Variants in CNTNAP5 observed in about 807,000 individuals in gnomAD.
The protein encoded by CNTNAP5 is contactin associated protein family member 5, also known as contactin-associated protein-like 5.
CNTNAP5 carries 72 observed loss-of-function variants against 150.2 expected under a neutral mutation model. The ratio of observed to expected loss-of-function variants is 0.48; its 90% CI spans 0.40 to 0.58. The LOEUF is 0.58. Among genes scored for constraint, CNTNAP5 ranks in the 20% least tolerant of loss-of-function variants. The pLI, the probability that CNTNAP5 is intolerant of heterozygous loss-of-function variation, is 0.00. For synonymous variants in CNTNAP5, 672 were observed against 619.8 expected, an observed-to-expected ratio of 1.08 and a Z score of -1.25; for missense variants, 1,636 against 1,626.2, an observed-to-expected ratio of 1.01 and a Z score of -0.10.
At chr2:124,671,496 A>C (rs1439521992) in intron 13 of CNTNAP5, among the ~76,000 whole-genome samples, 1 of 152,194 alleles carries the variant, frequency 6.6e-6, no homozygotes, top group African/African-American at 2.4e-5. Flanking sequence ...TAATAATGTA[A>C]TACTCATGGC....
chr2:124,650,967 C>T (rs766152959), intron 13 of CNTNAP5, among the ~76,000 whole-genome samples: 5 of 152,218 alleles, frequency 3.3e-5, no homozygotes, highest in African/African-American at 9.6e-5. Flanking sequence ...TGCAGGGCAG[C>T]GAGTATGCAT....
rs372306288 is a variant in CNTNAP5 at position 124,798,107 on chromosome 2, G to C, written c.3004G>C (p.Val1002Leu). The C allele has an allele frequency of 6.2e-7, 1 of 1,609,852 alleles. No homozygotes were observed. Among genetic ancestry groups the C allele is most frequent in the East Asian group, 2.2e-5 (1 of 44,756 alleles). The change falls in exon 19 of 24, where the codon GTT becomes CTT. Residue 1002 changes from valine (V) to leucine (L), a missense_variant. Val to Leu is a conservative substitution (Grantham distance 32). Transcript: ENST00000682447. ...CTTATATTTTGCAGAGGTTTCTGCT[G>C]TTTTTGAGGCTGGCACGTCGGTTAC... ...GPFCKKEVSA[V>L]FEAGTSVTYM... is the part of the protein sequence containing the mutation.
At chr2:124,763,867 T>A (rs772844074) in intron 15 of CNTNAP5, 68 bp downstream of exon 15, 2 of 1,605,272 alleles carry the variant, frequency 1.2e-6, no homozygotes, top group Non-Finnish European at 1.7e-6. Flanking sequence ...TACTCCCTTA[T>A]CCCTTTTCCC....
intron 13 of CNTNAP5, among the ~76,000 whole-genome samples, chr2:124,733,296 C>T (rs1680311772): frequency 6.6e-6 from 1 of 151,386 alleles, no homozygotes; most frequent in Admixed American, 6.6e-5. Context: ...GAGAAATAGC[C>T]CGATATAAGA....
chr2:124,623,238 TG>T (rs1339315341), intron 12 of CNTNAP5, among the ~76,000 whole-genome samples: 1 of 152,060 alleles, frequency 6.6e-6, no homozygotes, highest in Non-Finnish European at 1.5e-5. Flanking sequence ...TGGGAAAAAA[TG>T]CCCATGTCTT....
At chr2:124,563,132 C>A in intron 10 of CNTNAP5, 85 bp from the exon 11 acceptor site, 1 of 767,690 alleles carries the variant, frequency 1.3e-6, no homozygotes, top group Non-Finnish European at 2.2e-6. Context: ...TTAATTGAGG[C>A]AGTTGGATAT....
chr2:124,710,333 A>G (rs1291848828), intron 13 of CNTNAP5, among the ~76,000 whole-genome samples: 2 of 152,218 alleles, frequency 1.3e-5, no homozygotes, highest in East Asian at 3.9e-4. Context: ...CTGGTCAGAG[A>G]GTTTCCATCT....
chr2:124,140,885 C>G (rs1191352452), intron 1 of CNTNAP5, among the ~76,000 whole-genome samples: 4 of 64,800 alleles, frequency 6.2e-5, no homozygotes, highest in African/African-American at 2.0e-4. Context: ...AAGTTGAAAA[C>G]TTTGAAAAAA....
chr2:124,786,173 G>A (rs575676053), intron 17 of CNTNAP5, among the ~76,000 whole-genome samples: 9 of 151,602 alleles, frequency 5.9e-5, no homozygotes, highest in African/African-American at 1.9e-4. Flanking sequence ...GAGGCAGGAG[G>A]ATCGCTTGAA....
At chr2:124,414,470 A>G (rs1468443912) in intron 3 of CNTNAP5, among the ~76,000 whole-genome samples, 2 of 152,114 alleles carry the variant, frequency 1.3e-5, no homozygotes, top group Admixed American at 1.3e-4. Context: ...CTGCTTGACC[A>G]TGAGCCTCTA....
intron 19 of CNTNAP5, among the ~76,000 whole-genome samples, chr2:124,832,359 T>C (rs58872657): frequency 6.6e-6 from 1 of 152,068 alleles, no homozygotes; most frequent in African/African-American, 2.4e-5. Flanking sequence ...CACATACATA[T>C]GCAAACACTT....
intron 2 of CNTNAP5, among the ~76,000 whole-genome samples, chr2:124,236,382 G>A (rs943389336): frequency 6.6e-6 from 1 of 152,194 alleles, no homozygotes; most frequent in Non-Finnish European, 1.5e-5. Flanking sequence ...GGAGCAGAAA[G>A]ATTACGCCCA....
At chr2:124,737,277 C>T (rs565407502) in intron 13 of CNTNAP5, among the ~76,000 whole-genome samples, 19 of 142,266 alleles carry the variant, frequency 1.3e-4, no homozygotes, top group African/African-American at 3.3e-4. Context: ...GGCGACAGAG[C>T]GAGACTCCAT....
intron 14 of CNTNAP5, among the ~76,000 whole-genome samples, chr2:124,755,650 AC>A (rs201255875): frequency 6.6e-6 from 1 of 152,142 alleles, no homozygotes; most frequent in East Asian, 1.9e-4. Context: ...TCTGTGAACT[AC>A]AAATAAATCC....
At chr2:124,044,461 G>A (rs1489813585) in intron 1 of CNTNAP5, among the ~76,000 whole-genome samples, 1 of 152,146 alleles carries the variant, frequency 6.6e-6, no homozygotes, top group African/African-American at 2.4e-5. Flanking sequence ...TTAATTGGGG[G>A]AAATTGTATT....
rs767317858 is a variant in CNTNAP5 at position 124,677,368 on chromosome 2, G to A, written c.2077+29410G>A. On this transcript the variant is annotated intron_variant, in intron 13 of 23. Transcript: ENST00000682447. ...GGACCTAAAGAGTAAGCAGCAGCAA[G>A]ATTTAGTGTGAAGAGTGAAAGAACA... Among the ~76,000 whole-genome samples the A allele has an allele frequency of 7.8e-4, 118 of 152,224 alleles. 3 individuals are homozygous for A. The highest frequency in any genetic ancestry group is 2.9e-4 in the Non-Finnish European group (20 of 68,040).
intron 19 of CNTNAP5, among the ~76,000 whole-genome samples, chr2:124,840,252 C>G (rs1368860625): frequency 6.6e-6 from 1 of 151,954 alleles, no homozygotes; most frequent in Non-Finnish European, 1.5e-5. Flanking sequence ...GCAACACTAT[C>G]AGGTATGGTG....
At chr2:124,188,441 C>T (rs761221969) in intron 1 of CNTNAP5, among the ~76,000 whole-genome samples, 3 of 151,904 alleles carry the variant, frequency 2.0e-5, no homozygotes. Flanking sequence ...AAGAAGGGGC[C>T]GGGCGCAGTG....
intron 3 of CNTNAP5, among the ~76,000 whole-genome samples, chr2:124,298,587 A>G (rs1427025856): frequency 2.6e-5 from 4 of 152,200 alleles, no homozygotes; most frequent in Non-Finnish European, 5.9e-5. Context: ...AAATGGGTCC[A>G]AGAGCTGGGG....
Sources: gnomAD v4.1 joint callset for allele counts (sites outside exome capture counted in the v4.1 genomes callset) on GRCh38, gnomAD v4.1.1 for gene constraint, MANE v1.5 for transcripts, NCBI Gene and HGNC (gene_info 2026-07-23, HGNC 2026-07-21) for gene names.